Variants in PYGB observed in about 807,000 individuals in gnomAD.
PYGB encodes glycogen phosphorylase, brain form.
Under a neutral mutation model 94.3 loss-of-function variants are expected in PYGB, and 82 were observed. The ratio of observed to expected loss-of-function variants is 0.87; its 90% CI spans 0.73 to 1.04. PYGB has a LOEUF of 1.04. Ranked by LOEUF, PYGB falls within the 50% of genes least tolerant of loss-of-function variation. The pLI, the probability that PYGB is intolerant of heterozygous loss-of-function variation, is 0.00. For synonymous variants in PYGB, 488 were observed against 479.1 expected (o/e 1.02, Z -0.24); for missense variants, 1,132 against 1,158.2 (o/e 0.98, Z 0.33).
In PYGB at chr20:25,279,131, GA is replaced by G; in HGVS notation, c.1076del (p.Lys359ArgfsTer45). 6.2e-7 allele frequency: 1 copy of G among 1,613,982 alleles called. No homozygotes were observed. Among genetic ancestry groups the G allele is most frequent in the Non-Finnish European group, 8.5e-7 (1 of 1,179,916 alleles). On this transcript the variant is annotated frameshift_variant, in exon 9 of 20. Transcript: ENST00000216962. LOFTEE classifies it high-confidence loss of function. Reference protein sequence around the residue: ...ELMRILVDVEKVDWDKAWEIT... With the variant: ...ELMRILVDVEXVDWDKAWEIT... ...TCATGCGGATCCTGGTGGACGTGGAGAAGGTGGACTGGGACAAGGTGAGCAT... is the reference window on the plus strand; with the variant it reads ...TCATGCGGATCCTGGTGGACGTGGAGAGGTGGACTGGGACAAGGTGAGCAT...
Position 25,295,254 on chromosome 20 carries a change from C to T in PYGB, c.2313-350C>T, listed in dbSNP as rs2257420. Among the ~76,000 whole-genome samples the T allele has an allele frequency of 1.1e-3, 170 of 152,274 alleles. 3 individuals carry two copies. The highest frequency in any genetic ancestry group is 3.1e-4 in the Non-Finnish European group (21 of 68,006). ...CCAGCAAGTGCCCCCTGCCCTGAGGCGGCGCCATGGGCTCTCCACTGTCTG... is the reference window on the plus strand; with the variant it reads ...CCAGCAAGTGCCCCCTGCCCTGAGGTGGCGCCATGGGCTCTCCACTGTCTG... On this transcript the variant is annotated intron_variant, in intron 18 of 19. Coordinates refer to ENST00000216962, the MANE Select transcript of PYGB (RefSeq NM_002862.4).
intron 3 of PYGB, among the ~76,000 whole-genome samples, chr20:25,270,586 C>G (rs1185888388): frequency 6.6e-6 from 1 of 152,184 alleles, no homozygotes; most frequent in Non-Finnish European, 1.5e-5. Flanking sequence ...CAGCCTCAAC[C>G]TCTTGGGCTC....
At position 25,297,046 on chromosome 20, in the gene PYGB, T is replaced by A. The variant is rs1212936348; in HGVS notation, c.*524T>A. On this transcript the variant is annotated 3_prime_UTR_variant, in exon 20 of 20. Transcript: ENST00000216962. ...CCATGCCGGGAGGGGTCGGATCCTC[T>A]AGGCATCGCCTTCACAGCCCCCTGC... is the stretch of plus-strand genomic sequence containing the variant. The A allele has an allele frequency of 3.7e-5, 6 of 161,838 alleles. No homozygotes were observed. Among genetic ancestry groups the A allele is most frequent in the Admixed American group, 3.4e-4 (6 of 17,506 alleles). The allele number at this position is 161,838 out of a possible 1,614,324, so 10.0% of individuals were successfully genotyped here. A position where few individuals can be genotyped will look rare whatever the true frequency, so the allele number is the denominator to read the frequency against.
intron 2 of PYGB, among the ~76,000 whole-genome samples, chr20:25,267,690 C>T (rs1327635105): frequency 2.6e-5 from 4 of 152,254 alleles, no homozygotes; most frequent in Non-Finnish European, 4.4e-5. Flanking sequence ...ACCACCGTAC[C>T]CAGCTAATTT....
At chr20:25,294,900 C>T (rs1450209179) in intron 18 of PYGB, 1 of 1,563,736 alleles carries the variant, frequency 6.4e-7, no homozygotes, top group Non-Finnish European at 8.7e-7. Flanking sequence ...CTGCCCTCCA[C>T]TTTCAGCTGC....
At chr20:25,267,715 G>A (rs1276026490) in intron 2 of PYGB, among the ~76,000 whole-genome samples, 1 of 152,084 alleles carries the variant, frequency 6.6e-6, no homozygotes, top group Non-Finnish European at 1.5e-5. Context: ...TTTATTTTTA[G>A]TAGAGACATC....
At chr20:25,252,838 CT>C (rs2092892017) in intron 1 of PYGB, among the ~76,000 whole-genome samples, 1 of 152,190 alleles carries the variant, frequency 6.6e-6, no homozygotes, top group South Asian at 2.1e-4. Flanking sequence ...TGAGCTCAGC[CT>C]TTAGCCCCTC....
intron 18 of PYGB, among the ~76,000 whole-genome samples, 160 bp downstream of exon 18, chr20:25,294,452 C>T (rs1281776038): frequency 6.6e-6 from 1 of 152,242 alleles, no homozygotes; most frequent in African/African-American, 2.4e-5. Flanking sequence ...GAGCCTTAGA[C>T]CCCAGCTGGG....
chr20:25,295,483 C>T (rs2088526876), intron 18 of PYGB, 121 bp from the exon 19 acceptor site: 2 of 1,164,802 alleles, frequency 1.7e-6, no homozygotes, highest in South Asian at 2.6e-5. Flanking sequence ...TGGGTGGGCC[C>T]CTTCGCTCCA....
intron 13 of PYGB, 55 bp from the exon 14 acceptor site, chr20:25,284,049 C>A: frequency 1.3e-6 from 2 of 1,595,672 alleles, no homozygotes; most frequent in South Asian, 1.1e-5. Flanking sequence ...GCCGCAGGGT[C>A]AGTGGATGGA....
chr20:25,286,142 G>A (rs1203135949), intron 14 of PYGB, among the ~76,000 whole-genome samples: 1 of 152,224 alleles, frequency 6.6e-6, no homozygotes, highest in Admixed American at 6.5e-5. Flanking sequence ...CCGTTACAGG[G>A]CATTTTCGCC....
rs527996982 is a variant in PYGB at position 25,282,110 on chromosome 20, T to A, written c.1481T>A (p.Leu494Gln). 1 of 1,613,632 alleles carries A rather than the reference T, an allele frequency of 6.2e-7. No individual in the cohort carries two copies. Among genetic ancestry groups the A allele is most frequent in the South Asian group, 1.1e-5 (1 of 91,070 alleles). ...TNGITPRRWL[L>Q]LCNPGLADTI... ...GGCATCACCCCCCGCCGGTGGCTGC[T>A]GCTGTGCAACCCGGGGCTGGCCGAT... is the stretch of plus-strand genomic sequence containing the variant. The change falls in exon 12 of 20, where the codon CTG becomes CAG. Residue 494 changes from leucine (L) to glutamine (Q), a missense_variant. By Grantham distance (113) the Leu-to-Gln change is moderately radical. Transcript: ENST00000216962.
At chr20:25,294,354 G>A (rs573031959) in intron 18 of PYGB, 62 bp downstream of exon 18, 9 of 1,504,206 alleles carry the variant, frequency 6.0e-6, no homozygotes, top group Admixed American at 5.1e-5. Context: ...GGTCCTCTTC[G>A]TGGGTTGGAT....
At chr20:25,254,290 G>A (rs2092896987) in intron 1 of PYGB, among the ~76,000 whole-genome samples, 1 of 152,098 alleles carries the variant, frequency 6.6e-6, no homozygotes, top group Non-Finnish European at 1.5e-5. Flanking sequence ...TAATACAATT[G>A]TAAAAAATAC....
At chr20:25,264,114 C>T (rs1482574997) in intron 2 of PYGB, among the ~76,000 whole-genome samples, 2 of 152,214 alleles carry the variant, frequency 1.3e-5, no homozygotes, top group Non-Finnish European at 2.9e-5. Flanking sequence ...GGATGCAAGG[C>T]TGGTTCAACA....
chr20:25,270,922 A>C (rs987100043), intron 3 of PYGB, among the ~76,000 whole-genome samples: 1 of 152,222 alleles, frequency 6.6e-6, no homozygotes, highest in African/African-American at 2.4e-5. Flanking sequence ...GTGTTTGCAC[A>C]GGTGGACATT....
intron 5 of PYGB, 62 bp downstream of exon 5, chr20:25,274,785 A>C: frequency 2.6e-6 from 4 of 1,567,694 alleles, no homozygotes; most frequent in Non-Finnish European, 3.4e-6. Flanking sequence ...GCTGCGGCTC[A>C]TTTGTAGACA....
chr20:25,272,028 T>G (rs958341648), intron 4 of PYGB, among the ~76,000 whole-genome samples: 1 of 152,174 alleles, frequency 6.6e-6, no homozygotes, highest in African/African-American at 2.4e-5. Flanking sequence ...AGCCTCGATC[T>G]TGAAGCCTCA....
At chr20:25,277,686 C>T (rs1178443854) in intron 7 of PYGB, among the ~76,000 whole-genome samples, 4 of 152,226 alleles carry the variant, frequency 2.6e-5, no homozygotes, top group Non-Finnish European at 5.9e-5. Flanking sequence ...TGCAGTGCCA[C>T]TTCCCCAAGC....
Sources: allele counts gnomAD v4.1 joint callset (sites outside exome capture counted in the v4.1 genomes callset), GRCh38; gene constraint gnomAD v4.1.1; transcripts MANE v1.5; gene names NCBI Gene and HGNC (gene_info 2026-07-23, HGNC 2026-07-21).